Variants in SCN11A observed in about 807,000 individuals in gnomAD.
The protein encoded by SCN11A is sodium channel protein type 11 subunit alpha.
Under a neutral mutation model 162.2 loss-of-function variants are expected in SCN11A, and 122 were observed. The ratio of observed to expected loss-of-function variants is 0.75; its 90% CI spans 0.65 to 0.87. The LOEUF (loss-of-function observed/expected upper bound fraction) is 0.87. Among genes scored for constraint, SCN11A ranks in the 40% least tolerant of loss-of-function variants. SCN11A has a pLI of 0.00. For synonymous variants in SCN11A, 758 were observed against 751.5 expected, an observed-to-expected ratio of 1.01 and a Z score of -0.14; for missense variants, 2,015 against 2,181.6, an observed-to-expected ratio of 0.92 and a Z score of 1.52.
At chr3:38,938,789 C>T (rs1005142126) in intron 7 of SCN11A, among the ~76,000 whole-genome samples, 1 of 151,232 alleles carries the variant, frequency 6.6e-6, no homozygotes, top group African/African-American at 2.4e-5. Context: ...GTCTTGAACT[C>T]CCGACCTCAG....
chr3:38,958,575 A>G (rs181063089), intron 3 of SCN11A, among the ~76,000 whole-genome samples: 3 of 152,350 alleles, frequency 2.0e-5, no homozygotes, highest in Admixed American at 2.0e-4. Flanking sequence ...CAATTTAGAA[A>G]TCAGGAAAAG....
At chr3:39,006,070 C>T (rs2030964740) in intron 2 of SCN11A, among the ~76,000 whole-genome samples, 1 of 152,086 alleles carries the variant, frequency 6.6e-6, no homozygotes, top group Non-Finnish European at 1.5e-5. Context: ...AAATTCTGCT[C>T]TATTGTCTTT....
chr3:39,028,236 C>A (rs1179784907), intron 2 of SCN11A, among the ~76,000 whole-genome samples: 1 of 152,222 alleles, frequency 6.6e-6, no homozygotes, highest in African/African-American at 2.4e-5. Flanking sequence ...GATGCTCTCA[C>A]TGAAGATCTA....
At chr3:38,966,359 T>C (rs920371096) in intron 2 of SCN11A, among the ~76,000 whole-genome samples, 3 of 152,218 alleles carry the variant, frequency 2.0e-5, no homozygotes, top group African/African-American at 7.2e-5. Flanking sequence ...ATTATCATTA[T>C]AGATCATTCA....
intron 25 of SCN11A, 28 bp downstream of exon 25, chr3:38,871,417 G>A: frequency 6.5e-7 from 1 of 1,543,880 alleles, no homozygotes; most frequent in Non-Finnish European, 8.7e-7. Flanking sequence ...TTTCTCCTCA[G>A]AGTGAAAAAC....
At chr3:38,931,042 T>A (rs2066232399) in intron 7 of SCN11A, among the ~76,000 whole-genome samples, 1 of 152,178 alleles carries the variant, frequency 6.6e-6, no homozygotes, top group Non-Finnish European at 1.5e-5. Flanking sequence ...TCCTGATCTG[T>A]CTCCTCCATA....
chr3:39,006,154 T>A (rs2030967444), intron 2 of SCN11A, among the ~76,000 whole-genome samples: 1 of 152,226 alleles, frequency 6.6e-6, no homozygotes, highest in African/African-American at 2.4e-5. Context: ...ACATGTTTTG[T>A]CTCTAAAAGA....
At chr3:39,012,610 A>G (rs1266666557) in intron 2 of SCN11A, among the ~76,000 whole-genome samples, 2 of 151,708 alleles carry the variant, frequency 1.3e-5, no homozygotes, top group Non-Finnish European at 2.9e-5. Context: ...CCTCCCAAGC[A>G]GCTGGGACTA....
chr3:38,988,186 T>G (rs1005577824), intron 2 of SCN11A, among the ~76,000 whole-genome samples: 1 of 152,154 alleles, frequency 6.6e-6, no homozygotes, highest in Non-Finnish European at 1.5e-5. Context: ...CCTGCCTGCC[T>G]GTGACTTCCC....
At chr3:38,977,276 C>T (rs1479123915) in intron 2 of SCN11A, among the ~76,000 whole-genome samples, 1 of 152,198 alleles carries the variant, frequency 6.6e-6, no homozygotes, top group Non-Finnish European at 1.5e-5. Context: ...AGCCAGTTGG[C>T]CTGCTATTCC....
chr3:38,874,288 T>C (rs2065174488), intron 23 of SCN11A, among the ~76,000 whole-genome samples: 1 of 152,146 alleles, frequency 6.6e-6, no homozygotes, highest in South Asian at 2.1e-4. Context: ...TAAATATCGA[T>C]GTTATCCAAC....
chr3:39,010,384 TC>T (rs60186114), intron 2 of SCN11A, among the ~76,000 whole-genome samples: 47,235 of 144,096 alleles, frequency 0.33, 11,411 homozygotes, highest in African/African-American at 0.68. Flanking sequence ...TTTTCTTTTT[TC>T]TTTTTTTTTT....
rs35521973 is a variant in SCN11A at position 38,973,403 on chromosome 3, T to TACAC, written c.-279-12984_-279-12981dup. Among the ~76,000 whole-genome samples the TACAC allele has an allele frequency of 3.5e-3, 513 of 148,386 alleles. 3 individuals carry two copies. Among genetic ancestry groups the TACAC allele is most frequent in the Non-Finnish European group, 5.6e-3 (377 of 66,900 alleles). On this transcript the variant is annotated intron_variant, in intron 2 of 29. Transcript: ENST00000302328. ...TAACACCACATAAATGGTGTTGAGA[T>TACAC]ACACACACACACACACACACACACA... is the stretch of plus-strand genomic sequence containing the variant.
chr3:38,880,917 A>AAAGG (rs2065298582), intron 22 of SCN11A, among the ~76,000 whole-genome samples: 1 of 152,212 alleles, frequency 6.6e-6, no homozygotes, highest in Admixed American at 6.5e-5. Context: ...AGAATGAAAG[A>AAAGG]AAGGAAGACG....
At chr3:38,947,313 G>C (rs1409999568) in intron 5 of SCN11A, among the ~76,000 whole-genome samples, 1 of 152,204 alleles carries the variant, frequency 6.6e-6, no homozygotes, top group African/African-American at 2.4e-5. Context: ...GTCCATGTTT[G>C]CTATGCCACA....
chr3:38,864,374 T>A (rs892601589), intron 27 of SCN11A, among the ~76,000 whole-genome samples: 1 of 152,146 alleles, frequency 6.6e-6, no homozygotes, highest in Non-Finnish European at 1.5e-5. Context: ...AGTCTTTTAG[T>A]AATCATATAT....
chr3:38,857,649 C>T (rs2064891944), intron 28 of SCN11A, among the ~76,000 whole-genome samples: 1 of 152,072 alleles, frequency 6.6e-6, no homozygotes, highest in South Asian at 2.1e-4. Flanking sequence ...CGAAGAACTT[C>T]TGGGAAGTTC....
intron 2 of SCN11A, among the ~76,000 whole-genome samples, chr3:39,004,458 AC>A (rs2125599860): frequency 6.6e-6 from 1 of 151,806 alleles, no homozygotes; most frequent in South Asian, 2.1e-4. Flanking sequence ...GTAATGTGAC[AC>A]CTCCAGCTTT....
chr3:39,030,432 C>T (rs2031718508), intron 2 of SCN11A, among the ~76,000 whole-genome samples: 1 of 152,182 alleles, frequency 6.6e-6, no homozygotes, highest in Admixed American at 6.5e-5. Context: ...CACCCTAAGG[C>T]ATCTCAGCCC....
Sources: gnomAD v4.1 joint callset for allele counts (sites outside exome capture counted in the v4.1 genomes callset) on GRCh38, gnomAD v4.1.1 for gene constraint, MANE v1.5 for transcripts, NCBI Gene and HGNC (gene_info 2026-07-23, HGNC 2026-07-21) for gene names.